Variants in SLC7A9 observed in about 807,000 individuals in gnomAD.
SLC7A9 encodes B(0,+)-type amino acid transporter 1.
SLC7A9 carries 38 observed loss-of-function variants against 54.1 expected under a neutral mutation model. That is an observed-to-expected ratio of 0.70 (90% CI 0.54 to 0.92). The LOEUF is 0.92. SLC7A9 is among the 40% of genes least tolerant of loss of function. The pLI, the probability that SLC7A9 is intolerant of heterozygous loss-of-function variation, is 0.00. For synonymous variants in SLC7A9, 264 were observed against 258.9 expected, an observed-to-expected ratio of 1.02 and a Z score of -0.19; for missense variants, 537 against 636.1, an observed-to-expected ratio of 0.84 and a Z score of 1.68.
intron 6 of SLC7A9, among the ~76,000 whole-genome samples, chr19:32,860,922 C>T (rs1968782409): frequency 6.6e-6 from 1 of 152,080 alleles, no homozygotes; most frequent in African/African-American, 2.4e-5. Flanking sequence ...GTAGTGAGTC[C>T]CCAGGGTGCT....
intron 9 of SLC7A9, among the ~76,000 whole-genome samples, chr19:32,857,840 G>A (rs1182739527): frequency 6.6e-6 from 1 of 152,118 alleles, no homozygotes; most frequent in Admixed American, 6.6e-5. Flanking sequence ...AGCTGTTTGG[G>A]CAAATAAAGT....
chr19:32,862,074 AACCCCACCC>A, intron 6 of SLC7A9, 35 bp downstream of exon 6: 1 of 1,318,132 alleles, frequency 7.6e-7, no homozygotes, highest in Non-Finnish European at 1.1e-6. Flanking sequence ...TCACCTGGAG[AACCCCACCC>A]ACCCCCAGAC....
chr19:32,869,670 TACTG>T lies in SLC7A9; in HGVS notation c.-112+12_-112+15del, dbSNP rs1206847729. On this transcript the variant is annotated intron_variant, in intron 1 of 12. Transcript: ENST00000023064. ...GAGAGCCATGAGCCTTTCTATCACC[TACTG>T]ACCTTACTTACCTTCCTCCGTGACC... 1 of 152,312 alleles carries T rather than the reference TACTG, an allele frequency of 6.6e-6. No homozygotes were observed. Among genetic ancestry groups the T allele is most frequent in the East Asian group, 1.9e-4 (1 of 5,188 alleles). The allele number at this position is 152,312 out of a possible 1,614,324, so 9.4% of individuals were successfully genotyped here. A position where few individuals can be genotyped will look rare whatever the true frequency, so the allele number is the denominator to read the frequency against.
intron 11 of SLC7A9, among the ~76,000 whole-genome samples, chr19:32,835,948 T>C (rs189632247): frequency 1.3e-5 from 2 of 151,928 alleles, no homozygotes; most frequent in East Asian, 3.9e-4. Context: ...CGAGTCTCAC[T>C]TTGTCACCCA....
intron 8 of SLC7A9, among the ~76,000 whole-genome samples, chr19:32,858,891 C>T (rs951291963): frequency 8.6e-5 from 13 of 150,486 alleles, no homozygotes; most frequent in African/African-American, 2.2e-4. Context: ...CAGGGTCAAG[C>T]GATGCTCGTG....
chr19:32,864,657 C>G lies in SLC7A9; in HGVS notation c.207G>C (p.Trp69Cys). 9 of 1,614,056 alleles carry G rather than the reference C, an allele frequency of 5.6e-6. No individual in the cohort carries two copies. Among genetic ancestry groups the G allele is most frequent in the Non-Finnish European group, 7.6e-6 (9 of 1,180,036 alleles). ...GCGTCGCGAGGACCCCGCAAGCCGCCCATATGATGAGGCAGGGCCCCACAG... is the reference window on the plus strand; with the variant it reads ...GCGTCGCGAGGACCCCGCAAGCCGCGCATATGATGAGGCAGGGCCCCACAG... ...TEAVGPCLII[W>C]AACGVLATLG... The change falls in exon 3 of 13, where the codon TGG (tryptophan) becomes TGC (cysteine). Residue 69 changes from tryptophan (W) to cysteine (C), a missense_variant. Transcript: ENST00000023064.
rs1303247006 is a variant in SLC7A9, at chr19:32,867,918, A to G, written c.87+530T>C. Among the ~76,000 whole-genome samples the G allele has an allele frequency of 5.7e-5, 8 of 141,330 alleles. No homozygotes were observed. The East Asian group carries it at 1.6e-3, about 29-fold the overall frequency. The allele number at this position is 141,330 out of a possible 152,430, so 92.7% of individuals were successfully genotyped here. A position where few individuals can be genotyped will look rare whatever the true frequency, so the allele number is the denominator to read the frequency against. ...GCACTCCAGCCTGGGTGACAGAGCAAGACTCTGTCTCAAAAAAAAAAAAAA... is the reference window on the plus strand; with the variant it reads ...GCACTCCAGCCTGGGTGACAGAGCAGGACTCTGTCTCAAAAAAAAAAAAAA... On this transcript the variant is annotated intron_variant, in intron 2 of 12. Transcript: ENST00000023064.
intron 9 of SLC7A9, 45 bp from the exon 10 acceptor site, chr19:32,843,996 A>G (rs1305535870): frequency 2.1e-6 from 3 of 1,432,058 alleles, no homozygotes; most frequent in Admixed American, 3.4e-5. Context: ...AGTGCAGACC[A>G]TCTGTCCAGG....
rs56119122 is a variant in SLC7A9 at position 32,852,905 on chromosome 19, CTTTTTTT to C, written c.977+5528_977+5534del. On this transcript the variant is annotated intron_variant, in intron 9 of 12. Coordinates refer to ENST00000023064, the MANE Select transcript of SLC7A9 (RefSeq NM_014270.5). ...GATTTTACAAGACCAAAGCTATAAA[CTTTTTTT>C]TTTTTTTTTTTTTTTTTGAGAGACG... Among the ~76,000 whole-genome samples the C allele has an allele frequency of 1.0e-3, 100 of 97,586 alleles. 1 individual carries two copies. Among genetic ancestry groups the C allele is most frequent in the Admixed American group, 4.7e-4 (4 of 8,558 alleles). 64.0% of individuals were successfully genotyped at this position (97,586 alleles called of 152,430 possible).
At chr19:32,860,172 A>T (rs1968756319) in intron 7 of SLC7A9, 6 of 1,505,832 alleles carry the variant, frequency 4.0e-6, no homozygotes, top group Non-Finnish European at 5.3e-6. Context: ...TAAGCCAGAG[A>T]TAAAGGAAGA....
chr19:32,847,347 T>C (rs922859240), intron 9 of SLC7A9, among the ~76,000 whole-genome samples: 18 of 152,098 alleles, frequency 1.2e-4, no homozygotes, highest in African/African-American at 4.1e-4. Flanking sequence ...TTAAAGGAGC[T>C]GATGGAGCTG....
In SLC7A9 at chr19:32,830,539, TA is replaced by T; in HGVS notation, c.*80del. The T allele has an allele frequency of 1.9e-6, 2 of 1,067,024 alleles. No homozygotes were observed. The highest frequency in any genetic ancestry group is 2.7e-4 in the Middle Eastern group (1 of 3,764). The allele number at this position is 1,067,024 out of a possible 1,614,324, so 66.1% of individuals were successfully genotyped here. A position where few individuals can be genotyped will look rare whatever the true frequency, so the allele number is the denominator to read the frequency against. ...TAAACATCTGAGTATATTTTATTCG[TA>T]AGAAAAAAAGGAAGAAATAACCACA... On this transcript the variant is annotated 3_prime_UTR_variant, in exon 13 of 13. Transcript: ENST00000023064.
At chr19:32,837,746 C>A (rs1000981750) in intron 11 of SLC7A9, among the ~76,000 whole-genome samples, 1 of 152,032 alleles carries the variant, frequency 6.6e-6, no homozygotes, top group African/African-American at 2.4e-5. Flanking sequence ...TTTCAGTACG[C>A]CTACACGTGA....
Position 32,860,607 on chromosome 19 carries a change from T to G in SLC7A9, c.748A>C (p.Arg250=). ...YITEELRNPY[R]NLPLAIIIGI... The stretch of plus-strand genomic sequence containing the variant: ...CCTCTGCACTGATTCAGCTGTTACC[T>G]GTAAGGGTTTCTAAGTTCTTCTGTG... Residue 250 remains arginine (R), a splice_region_variant and synonymous_variant, in exon 7 of 13, where the codon AGA becomes CGA. Transcript: ENST00000023064. The G allele has an allele frequency of 6.2e-7, 1 of 1,614,180 alleles. No homozygotes were observed. The highest frequency in any genetic ancestry group is 1.1e-5 in the South Asian group (1 of 91,082).
intron 3 of SLC7A9, 102 bp from the exon 4 acceptor site, chr19:32,864,440 C>T: frequency 6.4e-7 from 1 of 1,562,222 alleles, no homozygotes; most frequent in Non-Finnish European, 8.7e-7. Context: ...TGGAGGGGCC[C>T]ACCGTGGTCC....
intron 9 of SLC7A9, among the ~76,000 whole-genome samples, chr19:32,846,978 G>T (rs1016875067): frequency 6.6e-6 from 1 of 152,210 alleles, no homozygotes; most frequent in Non-Finnish European, 1.5e-5. Context: ...TGAGGGTCCT[G>T]TCTGTTAGAA....
At position 32,838,878 on chromosome 19, in the gene SLC7A9, TG is replaced by T. The variant is rs1237589656; in HGVS notation, c.1224+3289del. Among the ~76,000 whole-genome samples the T allele has an allele frequency of 2.0e-5, 3 of 150,862 alleles. No individual in the cohort carries two copies. The East Asian group carries it at 5.8e-4, about 29-fold the overall frequency. On this transcript the variant is annotated intron_variant, in intron 11 of 12. Transcript: ENST00000023064. Reference sequence around the variant, plus strand: ...ATAGTACACATATATGTATATATTATGTATAATGCCCTTAGTCCCCTTTTAA... The same window carrying T: ...ATAGTACACATATATGTATATATTATTATAATGCCCTTAGTCCCCTTTTAA...
rs113685678 is a variant in SLC7A9, at chr19:32,862,766, G to A, written c.479-180C>T. ...CGATCTCAGCAATCTTTGCCTCCCCGGTTCAAGCAATTCTCCTGCCTCAGC... is the reference window on the plus strand; with the variant it reads ...CGATCTCAGCAATCTTTGCCTCCCCAGTTCAAGCAATTCTCCTGCCTCAGC... On this transcript the variant is annotated intron_variant, in intron 4 of 12. Transcript: ENST00000023064. 48 of 466,928 alleles carry A rather than the reference G, an allele frequency of 1.0e-4. 1 individual carries two copies. The highest frequency in any genetic ancestry group is 7.4e-4 in the African/African-American group (36 of 48,368). The allele number at this position is 466,928 out of a possible 1,614,324, so 28.9% of individuals were successfully genotyped here. A position where few individuals can be genotyped will look rare whatever the true frequency, so the allele number is the denominator to read the frequency against.
At chr19:32,832,934 C>T in intron 12 of SLC7A9, 2 of 581,628 alleles carry the variant, frequency 3.4e-6, no homozygotes, top group South Asian at 1.9e-5. Context: ...ATGGTGCTTT[C>T]CCTTCCTACT....
Sources: gnomAD v4.1 joint callset for allele counts (sites outside exome capture counted in the v4.1 genomes callset) on GRCh38, gnomAD v4.1.1 for gene constraint, MANE v1.5 for transcripts, NCBI Gene and HGNC (gene_info 2026-07-23, HGNC 2026-07-21) for gene names.